CHST11: variants seen among roughly 807,000 people sequenced by gnomAD.
CHST11 encodes carbohydrate sulfotransferase 11, also known as C4S-1.
CHST11 carries 9 observed loss-of-function variants against 30.4 expected under a neutral mutation model. The observed-to-expected ratio is 0.30, with a 90% CI of 0.18 to 0.52. CHST11 has a LOEUF of 0.52. CHST11 is among the 20% of genes least tolerant of loss of function. CHST11 has a pLI of 0.97. For synonymous variants in CHST11, 152 were observed against 187.8 expected, an observed-to-expected ratio of 0.81 and a Z score of 1.56; for missense variants, 348 against 460.6, an observed-to-expected ratio of 0.76 and a Z score of 2.24.
chr12:104,490,562 G>C (rs2037735162), intron 1 of CHST11, among the ~76,000 whole-genome samples: 1 of 152,252 alleles, frequency 6.6e-6, no homozygotes, highest in Non-Finnish European at 1.5e-5. Flanking sequence ...CAAGGTACAA[G>C]CACAATGATT....
chr12:104,695,805 G>A (rs1293347792), intron 2 of CHST11, among the ~76,000 whole-genome samples: 1 of 152,196 alleles, frequency 6.6e-6, no homozygotes, highest in Non-Finnish European at 1.5e-5. Flanking sequence ...AGCTGGCATT[G>A]CCACGTACAG....
intron 2 of CHST11, among the ~76,000 whole-genome samples, chr12:104,679,368 C>T (rs1566034949): frequency 6.6e-6 from 1 of 152,096 alleles, no homozygotes; most frequent in Non-Finnish European, 1.5e-5. Context: ...TGTCTGTAAA[C>T]CCGTTGGGAG....
chr12:104,746,174 CTTCAGTG>C (rs1187154974), intron 2 of CHST11, among the ~76,000 whole-genome samples: 4 of 152,284 alleles, frequency 2.6e-5, no homozygotes, highest in Non-Finnish European at 4.4e-5. Context: ...CATCAGCCAC[CTTCAGTG>C]GCCCAGTGGA....
intron 1 of CHST11, among the ~76,000 whole-genome samples, chr12:104,500,962 G>A (rs556188240): frequency 7.9e-5 from 12 of 152,156 alleles, no homozygotes; most frequent in Non-Finnish European, 1.3e-4. Context: ...CTGCCCTTGT[G>A]AGGAGGTTGG....
intron 2 of CHST11, among the ~76,000 whole-genome samples, chr12:104,685,730 G>C (rs1444624200): frequency 1.3e-5 from 2 of 152,220 alleles, no homozygotes; most frequent in Admixed American, 1.3e-4. Flanking sequence ...AATTTTGTGT[G>C]AGAGATTGTG....
intron 2 of CHST11, among the ~76,000 whole-genome samples, chr12:104,648,824 A>G (rs2039462692): frequency 6.6e-6 from 1 of 152,160 alleles, no homozygotes; most frequent in African/African-American, 2.4e-5. Flanking sequence ...AAAATAGAAA[A>G]GAAAGATCTG....
chr12:104,689,324 T>C (rs1029399325), intron 2 of CHST11, among the ~76,000 whole-genome samples: 1 of 152,194 alleles, frequency 6.6e-6, no homozygotes, highest in Non-Finnish European at 1.5e-5. Flanking sequence ...CGAAATACAG[T>C]GGAAGCTTTT....
intron 1 of CHST11, among the ~76,000 whole-genome samples, chr12:104,488,738 CGCGTGTGTGTGT>C (rs1254436776): frequency 7.4e-5 from 5 of 67,966 alleles, no homozygotes; most frequent in African/African-American, 3.7e-4. Flanking sequence ...TGTATGTGTA[CGCGTGTGTGTGT>C]GTGTGTGTGT....
chr12:104,643,991 C>G (rs971312056), intron 2 of CHST11, among the ~76,000 whole-genome samples: 1 of 152,192 alleles, frequency 6.6e-6, no homozygotes, highest in African/African-American at 2.4e-5. Flanking sequence ...AACAAAGGAA[C>G]CTCTTAGGTC....
At chr12:104,734,447 G>A (rs1363712819) in intron 2 of CHST11, among the ~76,000 whole-genome samples, 3 of 152,158 alleles carry the variant, frequency 2.0e-5, no homozygotes, top group African/African-American at 2.4e-5. Context: ...AGAAACTGGG[G>A]CTCAGAGAGG....
intron 2 of CHST11, among the ~76,000 whole-genome samples, chr12:104,604,159 G>A (rs1039913917): frequency 2.0e-5 from 3 of 152,180 alleles, no homozygotes; most frequent in Non-Finnish European, 4.4e-5. Context: ...AGAGATGCCT[G>A]TCCTGGGTAG....
Position 104,732,050 on chromosome 12 carries a change from A to G in CHST11, c.205-24899A>G, listed in dbSNP as rs78471079. Among the ~76,000 whole-genome samples the G allele has an allele frequency of 1.6e-3, 247 of 152,348 alleles. 1 individual carries two copies. Among genetic ancestry groups the G allele is most frequent in the African/African-American group, 5.8e-3 (241 of 41,580 alleles). ...TCCTAGGGCAGGAGAAACTGCAACCAGCTCCACAGCTATGCTCGGTCCCTC... is the reference window on the plus strand; with the variant it reads ...TCCTAGGGCAGGAGAAACTGCAACCGGCTCCACAGCTATGCTCGGTCCCTC... On this transcript the variant is annotated intron_variant, in intron 2 of 2. Transcript: ENST00000303694.
At chr12:104,697,603 A>G (rs998020337) in intron 2 of CHST11, among the ~76,000 whole-genome samples, 1 of 152,102 alleles carries the variant, frequency 6.6e-6, no homozygotes, top group South Asian at 2.1e-4. Context: ...CCTCTTATAT[A>G]TGTCTTATAT....
chr12:104,521,997 G>T (rs2038078036), intron 1 of CHST11, among the ~76,000 whole-genome samples: 1 of 152,110 alleles, frequency 6.6e-6, no homozygotes, highest in African/African-American at 2.4e-5. Context: ...TCTGTGCCCG[G>T]AAAATTCGAC....
intron 1 of CHST11, among the ~76,000 whole-genome samples, chr12:104,459,117 T>C (rs1412759129): frequency 6.6e-6 from 1 of 152,250 alleles, no homozygotes; most frequent in Non-Finnish European, 1.5e-5. Context: ...TGGGTATTTT[T>C]AGTTTAATGT....
intron 1 of CHST11, among the ~76,000 whole-genome samples, chr12:104,551,650 C>T (rs73384183): frequency 0.011 from 1,656 of 152,182 alleles, 25 homozygotes; most frequent in African/African-American, 0.037. Context: ...TCAGATTCCT[C>T]GAAGTGATTT....
intron 2 of CHST11, among the ~76,000 whole-genome samples, chr12:104,721,890 A>G (rs2040180172): frequency 6.6e-6 from 1 of 152,202 alleles, no homozygotes; most frequent in Admixed American, 6.5e-5. Flanking sequence ...AAGTTAAGGT[A>G]TTGCCTGAGG....
At chr12:104,740,079 T>C (rs1457002277) in intron 2 of CHST11, among the ~76,000 whole-genome samples, 3 of 152,226 alleles carry the variant, frequency 2.0e-5, no homozygotes, top group Non-Finnish European at 4.4e-5. Flanking sequence ...TCAATGTATT[T>C]AGTTTCTACC....
intron 1 of CHST11, among the ~76,000 whole-genome samples, chr12:104,568,354 C>T (rs561229218): frequency 2.5e-4 from 38 of 152,314 alleles, no homozygotes; most frequent in African/African-American, 8.7e-4. Flanking sequence ...CTTGCAACAG[C>T]TCCTCTGTCT....
Sources: gnomAD v4.1 joint callset for allele counts (sites outside exome capture counted in the v4.1 genomes callset) on GRCh38, gnomAD v4.1.1 for gene constraint, MANE v1.5 for transcripts, NCBI Gene and HGNC (gene_info 2026-07-23, HGNC 2026-07-21) for gene names.